The following CCDC122 variants were observed in gnomAD, a reference collection of about 807,000 sequenced individuals.
The protein encoded by CCDC122 is coiled-coil domain containing 122.
CCDC122 carries 38 observed loss-of-function variants against 37.0 expected under a neutral mutation model. The observed-to-expected ratio is 1.03, with a 90% CI of 0.79 to 1.35. The LOEUF is 1.35. Among genes scored for constraint, CCDC122 ranks in the 40% most tolerant of loss-of-function variants. The pLI, the probability that CCDC122 is intolerant of heterozygous loss-of-function variation, is 0.00. For missense variants in CCDC122, 305 were observed against 310.0 expected (o/e 0.98, Z 0.12); for synonymous variants, 83 against 95.6 (o/e 0.87, Z 0.77).
At chr13:43,863,569 T>C (rs1190880315) in intron 4 of CCDC122, among the ~76,000 whole-genome samples, 2 of 152,176 alleles carry the variant, frequency 1.3e-5, no homozygotes, top group Admixed American at 6.5e-5. Context: ...CCTAAGTGGT[T>C]GTGTCATTTT....
At chr13:43,828,297 G>T (rs1335505304) in intron 3 of CCDC122, among the ~76,000 whole-genome samples, 1 of 152,140 alleles carries the variant, frequency 6.6e-6, no homozygotes, top group Admixed American at 6.5e-5. Context: ...CGCATTATGT[G>T]TCAGGTGTCT....
intron 6 of CCDC122, among the ~76,000 whole-genome samples, chr13:43,856,870 T>C (rs1012013759): frequency 1.3e-5 from 2 of 152,168 alleles, no homozygotes; most frequent in African/African-American, 4.8e-5. Flanking sequence ...TATATGTACA[T>C]GTTAGTCTAA....
At chr13:43,852,401 C>T (rs1464499637) in intron 6 of CCDC122, among the ~76,000 whole-genome samples, 4 of 151,720 alleles carry the variant, frequency 2.6e-5, no homozygotes, top group East Asian at 1.9e-4. Context: ...CGAAGACTGG[C>T]TTTCTAAAAT....
intron 6 of CCDC122, among the ~76,000 whole-genome samples, chr13:43,844,887 T>C (rs1251039190): frequency 6.6e-6 from 1 of 152,174 alleles, no homozygotes; most frequent in Non-Finnish European, 1.5e-5. Flanking sequence ...GAAGAGGTTA[T>C]GCTTGCCACT....
chr13:43,865,305 A>T (rs1954241798), intron 4 of CCDC122, among the ~76,000 whole-genome samples: 1 of 152,126 alleles, frequency 6.6e-6, no homozygotes, highest in Non-Finnish European at 1.5e-5. Flanking sequence ...TGGCACATGA[A>T]GCAGGGGCAG....
At chr13:43,846,001 G>A (rs1373167892) in intron 6 of CCDC122, among the ~76,000 whole-genome samples, 1 of 151,936 alleles carries the variant, frequency 6.6e-6, no homozygotes. Context: ...TCCAGTCCTT[G>A]TCTAACAACT....
At position 43,853,251 on chromosome 13, in the gene CCDC122, T is replaced by C. The variant is rs540853947; in HGVS notation, c.672+5530A>G. 1.2e-3 allele frequency among the ~76,000 whole-genome samples: 180 copies of C among 152,134 alleles called. 2 individuals carry two copies. The highest frequency in any genetic ancestry group is 6.8e-3 in the Middle Eastern group (2 of 294). ...CTGTCTTCAAGAGACCCATCTCACA[T>C]GCAATGACACACATAGGCTCAAAGT... On this transcript the variant is annotated intron_variant, in intron 6 of 6. Coordinates refer to ENST00000444614, the MANE Select transcript of CCDC122 (RefSeq NM_144974.5).
chr13:43,873,460 A>G (rs1241834003), intron 2 of CCDC122, among the ~76,000 whole-genome samples: 1 of 152,184 alleles, frequency 6.6e-6, no homozygotes, highest in East Asian at 1.9e-4. Context: ...GTTCAGGCCA[A>G]AAACCCTGAG....
At chr13:43,834,954 T>A (rs961228104), downstream of CCDC122, among the ~76,000 whole-genome samples, 4 of 152,154 alleles carry the variant, frequency 2.6e-5, no homozygotes, top group African/African-American at 4.8e-5. Context: ...GCCATCCCAT[T>A]ACTGGGTATA....
chr13:43,851,339 A>G (rs1162049289), intron 6 of CCDC122, among the ~76,000 whole-genome samples: 1 of 152,228 alleles, frequency 6.6e-6, no homozygotes, highest in Non-Finnish European at 1.5e-5. Context: ...TGAGGTGATG[A>G]AAATTTCTAA....
At chr13:43,862,209 C>T (rs760837388) in intron 4 of CCDC122, among the ~76,000 whole-genome samples, 2 of 152,112 alleles carry the variant, frequency 1.3e-5, no homozygotes, top group Non-Finnish European at 2.9e-5. Context: ...CCATATATGC[C>T]CTAGTGCCTA....
At chr13:43,833,044 A>T (rs187829107), downstream of CCDC122, among the ~76,000 whole-genome samples, 214 of 152,260 alleles carry the variant, frequency 1.4e-3, 3 homozygotes, top group Admixed American at 0.013. Flanking sequence ...CAATATATAG[A>T]CCATTTATAT....
chr13:43,825,199 C>T (rs1953028254), intron 3 of CCDC122, among the ~76,000 whole-genome samples: 1 of 152,182 alleles, frequency 6.6e-6, no homozygotes, highest in Non-Finnish European at 1.5e-5. Flanking sequence ...GGTACATATA[C>T]ACCATGGAAT....
At chr13:43,871,243 G>A (rs974657892) in intron 2 of CCDC122, among the ~76,000 whole-genome samples, 4 of 151,764 alleles carry the variant, frequency 2.6e-5, no homozygotes, top group Admixed American at 6.6e-5. Flanking sequence ...TTTCTTCTTC[G>A]AGAAACTATT....
downstream of CCDC122, among the ~76,000 whole-genome samples, chr13:43,819,832 G>T (rs571347057): frequency 5.7e-4 from 86 of 152,036 alleles, no homozygotes; most frequent in African/African-American, 2.0e-3. Context: ...ATGAAATAAA[G>T]ATTTTAAAAT....
At chr13:43,861,958 T>A (rs1954119623) in intron 4 of CCDC122, among the ~76,000 whole-genome samples, 2 of 152,158 alleles carry the variant, frequency 1.3e-5, no homozygotes, top group Non-Finnish European at 2.9e-5. Context: ...CAAATCCTGA[T>A]GGTTGGGCCT....
chr13:43,872,163 T>C (rs558955643), intron 2 of CCDC122, among the ~76,000 whole-genome samples: 2 of 152,130 alleles, frequency 1.3e-5, no homozygotes, highest in Non-Finnish European at 1.5e-5. Context: ...CAGTATGTGC[T>C]GTTTAACCCC....
chr13:43,869,462 T>G lies in CCDC122; in HGVS notation c.-86A>C. 9.1e-7 allele frequency: 1 copy of G among 1,094,320 alleles called. No homozygotes were observed. The highest frequency in any genetic ancestry group is 2.4e-5 in the East Asian group (1 of 40,858). 67.8% of individuals were successfully genotyped at this position (1,094,320 alleles called of 1,614,324 possible). A position where few individuals can be genotyped will look rare whatever the true frequency, so the allele number is the denominator to read the frequency against. ...ATCTATATTGATAATCTTTCACTTTTGTTTTTTCCTGTTGTATATTGGTGA... is the reference window on the plus strand; with the variant it reads ...ATCTATATTGATAATCTTTCACTTTGGTTTTTTCCTGTTGTATATTGGTGA... On this transcript the variant is annotated 5_prime_UTR_variant, in exon 3 of 7. Transcript: ENST00000444614.
In CCDC122 at chr13:43,868,789, TTG is replaced by T; in HGVS notation, c.59_60del (p.Thr20LysfsTer5). The stretch of plus-strand genomic sequence containing the variant: ...TTCTCTACAGCATCAGCTAATGAAC[TTG>T]TGTCTTGGTTATCTACAATTAGACA... The part of the protein sequence containing the change: ...QGFPKEDNQD[T>X]SSLADAVEKV... On this transcript the variant is annotated frameshift_variant, in exon 4 of 7. Coordinates refer to ENST00000444614, the MANE Select transcript of CCDC122 (RefSeq NM_144974.5). LOFTEE classifies it high-confidence loss of function. The T allele has an allele frequency of 6.6e-7, 1 of 1,516,076 alleles. No individual in the cohort carries two copies. The highest frequency in any genetic ancestry group is 2.1e-5 in the Admixed American group (1 of 47,166). 93.9% of individuals were successfully genotyped at this position (1,516,076 alleles called of 1,614,324 possible). A position where few individuals can be genotyped will look rare whatever the true frequency, so the allele number is the denominator to read the frequency against.
Sources: gnomAD v4.1 joint callset for allele counts (sites outside exome capture counted in the v4.1 genomes callset) on GRCh38, gnomAD v4.1.1 for gene constraint, MANE v1.5 for transcripts, NCBI Gene and HGNC (gene_info 2026-07-23, HGNC 2026-07-21) for gene names.